CDH18: variants seen among roughly 807,000 people sequenced by gnomAD.
CDH18 encodes cadherin-18.
Under a neutral mutation model 67.9 loss-of-function variants are expected in CDH18, and 31 were observed. That is an observed-to-expected ratio of 0.46 (90% confidence interval 0.34 to 0.62). The LOEUF (loss-of-function observed/expected upper bound fraction) is 0.62. Ranked by LOEUF, CDH18 falls within the 20% of genes least tolerant of loss-of-function variation. The pLI, the probability that CDH18 is intolerant of heterozygous loss-of-function variation, is 0.01. For synonymous variants in CDH18, 362 were observed against 347.2 expected (o/e 1.04, Z -0.48); for missense variants, 890 against 975.5 (o/e 0.91, Z 1.17).
chr5:20,392,139 A>G (rs1744917891), intron 1 of CDH18, among the ~76,000 whole-genome samples: 1 of 151,896 alleles, frequency 6.6e-6, no homozygotes, highest in African/African-American at 2.4e-5. Flanking sequence ...ATAACACCAT[A>G]ATATGCAAAA....
intron 7 of CDH18, among the ~76,000 whole-genome samples, chr5:19,577,950 C>G (rs933524010): frequency 2.6e-5 from 4 of 152,076 alleles, no homozygotes; most frequent in Non-Finnish European, 5.9e-5. Flanking sequence ...AAATGTGATG[C>G]GGTCATATGA....
intron 4 of CDH18, among the ~76,000 whole-genome samples, chr5:19,746,702 T>TCC (rs889775790): frequency 3.3e-5 from 5 of 152,118 alleles, no homozygotes; most frequent in African/African-American, 1.2e-4. Flanking sequence ...CATGTTTCTT[T>TCC]CCCCTTGAGA....
chr5:20,236,428 A>C (rs1742480911), intron 2 of CDH18, among the ~76,000 whole-genome samples: 1 of 151,826 alleles, frequency 6.6e-6, no homozygotes, highest in Non-Finnish European at 1.5e-5. Context: ...AGGTTAAAGC[A>C]ATCAAGATTT....
At chr5:20,245,002 T>G (rs1743269299) in intron 2 of CDH18, among the ~76,000 whole-genome samples, 1 of 152,132 alleles carries the variant, frequency 6.6e-6, no homozygotes, top group Admixed American at 6.5e-5. Flanking sequence ...ATCTTATATT[T>G]GACTTGGTAT....
chr5:19,678,074 G>T (rs180833925), intron 5 of CDH18, among the ~76,000 whole-genome samples: 1 of 151,888 alleles, frequency 6.6e-6, no homozygotes, highest in African/African-American at 2.4e-5. Context: ...CATCGAGGCA[G>T]AAAATTAACA....
At chr5:20,466,358 T>C in intron 1 of CDH18, among the ~76,000 whole-genome samples, 1 of 152,102 alleles carries the variant, frequency 6.6e-6, no homozygotes, top group Non-Finnish European at 1.5e-5. Flanking sequence ...TTTCCATTGT[T>C]ATTTCAGATT....
chr5:19,762,347 T>C (rs1159433703), intron 3 of CDH18, among the ~76,000 whole-genome samples: 1 of 152,016 alleles, frequency 6.6e-6, no homozygotes, highest in African/African-American at 2.4e-5. Context: ...TCCTCATCTG[T>C]CAAAGGGCTA....
At chr5:20,493,564 TAG>T (rs1441179808) in intron 1 of CDH18, among the ~76,000 whole-genome samples, 2 of 151,898 alleles carry the variant, frequency 1.3e-5, no homozygotes, top group Non-Finnish European at 2.9e-5. Flanking sequence ...TGGAGAGCTT[TAG>T]AGTGACAACA....
Position 19,838,955 on chromosome 5 carries a change from G to T in CDH18, c.32C>A (p.Pro11Gln), listed in dbSNP as rs377183618. 5.0e-6 allele frequency: 8 copies of T among 1,613,596 alleles called. No individual in the cohort carries two copies. In the African/African-American group the frequency reaches 1.1e-4, roughly 22 times the overall value. Residue 11 changes from proline (P) to glutamine (Q), a missense_variant, in exon 3 of 13, where the codon CCA becomes CAA. By Grantham distance (76) the Pro-to-Gln change is moderately conservative (BLOSUM62 -1). This residue lies in a region of CDH18 where 234 missense variants were observed against 307.4 expected (regional missense o/e 0.76). Coordinates refer to ENST00000382275, the MANE Select transcript of CDH18 (RefSeq NM_004934.5). MKITSTSCIC[P>Q]VLVCLCFVQR... Reference sequence around the variant, plus strand: ...CACAAAACAGAGACACACTAGGACTGGACAGATGCAAGATGTGCTAGTAAT... The same window carrying T: ...CACAAAACAGAGACACACTAGGACTTGACAGATGCAAGATGTGCTAGTAAT...
chr5:20,046,787 G>A (rs1327706216), intron 2 of CDH18, among the ~76,000 whole-genome samples: 1 of 151,492 alleles, frequency 6.6e-6, no homozygotes, highest in Non-Finnish European at 1.5e-5. Context: ...ATTTCACAGC[G>A]CTTTTCGAGA....
At chr5:20,449,634 A>G (rs1561013460) in intron 1 of CDH18, among the ~76,000 whole-genome samples, 1 of 152,050 alleles carries the variant, frequency 6.6e-6, no homozygotes, top group Non-Finnish European at 1.5e-5. Flanking sequence ...GAATGTCTAC[A>G]TATGTACATG....
chr5:20,356,650 A>G (rs1336914445), intron 1 of CDH18, among the ~76,000 whole-genome samples: 3 of 151,610 alleles, frequency 2.0e-5, no homozygotes, highest in Non-Finnish European at 4.4e-5. Flanking sequence ...AAAAACAAGC[A>G]TATTAAGAGA....
At chr5:20,393,019 GAT>G in intron 1 of CDH18, among the ~76,000 whole-genome samples, 1 of 151,836 alleles carries the variant, frequency 6.6e-6, no homozygotes, top group South Asian at 2.1e-4. Flanking sequence ...TATCCAGAAT[GAT>G]ATTCATACAA....
chr5:19,714,639 T>A (rs1009629416), intron 5 of CDH18, among the ~76,000 whole-genome samples: 2 of 152,054 alleles, frequency 1.3e-5, no homozygotes, highest in Non-Finnish European at 2.9e-5. Flanking sequence ...TATAAAATAA[T>A]TATTTTTAAA....
chr5:20,524,718 A>G (rs948558397), intron 1 of CDH18, among the ~76,000 whole-genome samples: 17 of 152,268 alleles, frequency 1.1e-4, no homozygotes, highest in African/African-American at 4.1e-4. Context: ...AGGTGTAGAA[A>G]TAGGTATTGT....
chr5:19,903,537 GTGTGTATATA>G (rs946346032), intron 2 of CDH18, among the ~76,000 whole-genome samples: 4 of 36,024 alleles, frequency 1.1e-4, no homozygotes, highest in Non-Finnish European at 2.0e-4. Flanking sequence ...CTCTGTGTGT[GTGTGTATATA>G]TATATATATA....
chr5:19,499,104 C>G (rs1742813416), intron 11 of CDH18, among the ~76,000 whole-genome samples: 1 of 152,164 alleles, frequency 6.6e-6, no homozygotes, highest in Admixed American at 6.6e-5. Flanking sequence ...AATACATGAG[C>G]TCCAATTTTG....
In CDH18 at chr5:19,521,209, A is replaced by AT. The variant is rs1315776054; in HGVS notation, c.1391-432dup. On this transcript the variant is annotated intron_variant, in intron 9 of 12. Coordinates refer to ENST00000382275, the MANE Select transcript of CDH18 (RefSeq NM_004934.5). ...TAAACTCAAAGAAAACAAAAAATAA[A>AT]TTTCTTTACACAAAGAATCATTTTC... 2.0e-5 allele frequency among the ~76,000 whole-genome samples: 3 copies of AT among 152,118 alleles called. No individual in the cohort carries two copies. The East Asian group carries it at 5.8e-4, about 29-fold the overall frequency.
chr5:20,008,104 A>G (rs78137378), intron 2 of CDH18, among the ~76,000 whole-genome samples: 1,768 of 152,190 alleles, frequency 0.012, 28 homozygotes, highest in African/African-American at 0.04. Context: ...TTGTTCATAA[A>G]TATTATTCTA....
Sources: allele counts gnomAD v4.1 joint callset (sites outside exome capture counted in the v4.1 genomes callset), GRCh38; gene constraint gnomAD v4.1.1; regional missense constraint gnomAD v4.1.1; transcripts MANE v1.5; gene names NCBI Gene and HGNC (gene_info 2026-07-23, HGNC 2026-07-21).